Variants in PTPRD observed in about 807,000 individuals in gnomAD.
PTPRD encodes the protein receptor-type tyrosine-protein phosphatase delta.
Under a neutral mutation model 214.5 loss-of-function variants are expected in PTPRD, and 34 were observed. That is an observed-to-expected ratio of 0.16 (90% CI 0.12 to 0.21). The LOEUF (loss-of-function observed/expected upper bound fraction) is 0.21, where lower values mean the gene tolerates loss of function less well. Ranked by LOEUF, PTPRD falls within the 10% of genes least tolerant of loss-of-function variation. The pLI is 1.00. For missense variants in PTPRD, 2,545 were observed against 2,398.7 expected (o/e 1.06, Z -1.27); for synonymous variants, 1,128 against 845.7 (o/e 1.33, Z -5.79).
intron 2 of PTPRD, among the ~76,000 whole-genome samples, chr9:10,397,503 T>G (rs1234059693): frequency 6.6e-6 from 1 of 152,016 alleles, no homozygotes; most frequent in Non-Finnish European, 1.5e-5. Context: ...TAATCATAAT[T>G]GACACAGTTT....
chr9:8,373,850 GTA>G lies in PTPRD; in HGVS notation c.4661+2084_4661+2085del, dbSNP rs1491341790. 6.3e-3 allele frequency among the ~76,000 whole-genome samples: 851 copies of G among 134,568 alleles called. 16 individuals are homozygous for G. Among genetic ancestry groups the G allele is most frequent in the Admixed American group, 0.016 (217 of 13,438 alleles). The allele number at this position is 134,568 out of a possible 152,430, so 88.3% of individuals were successfully genotyped here. A position where few individuals can be genotyped will look rare whatever the true frequency, so the allele number is the denominator to read the frequency against. ...TATGTATGTATGTATGTATGTATGT[GTA>G]TGTGTCTGTCTGTCTATCTATCTAT... is the stretch of plus-strand genomic sequence containing the variant. On this transcript the variant is annotated intron_variant, in intron 39 of 45. Transcript: ENST00000381196.
intron 2 of PTPRD, among the ~76,000 whole-genome samples, chr9:10,414,193 T>A (rs1034765961): frequency 4.6e-5 from 7 of 151,950 alleles, no homozygotes; most frequent in Admixed American, 6.6e-5. Flanking sequence ...AAAAAATATT[T>A]GCAAACTACG....
At chr9:9,134,812 T>TGC (rs1315358850) in intron 10 of PTPRD, among the ~76,000 whole-genome samples, 3 of 152,110 alleles carry the variant, frequency 2.0e-5, no homozygotes, top group African/African-American at 7.2e-5. Flanking sequence ...AGTGCGTGTG[T>TGC]GTGTGTGTGT....
At chr9:9,232,131 T>C (rs1386459803) in intron 9 of PTPRD, among the ~76,000 whole-genome samples, 1 of 152,198 alleles carries the variant, frequency 6.6e-6, no homozygotes, top group Non-Finnish European at 1.5e-5. Flanking sequence ...TAAGTTGAGA[T>C]CCTTTAGTAT....
At chr9:8,690,951 T>G (rs893318912) in intron 12 of PTPRD, among the ~76,000 whole-genome samples, 1 of 152,188 alleles carries the variant, frequency 6.6e-6, no homozygotes, top group Non-Finnish European at 1.5e-5. Flanking sequence ...CTGGGGCATT[T>G]CTGTCTTTTC....
chr9:10,063,410 T>G (rs2097815150), intron 3 of PTPRD, among the ~76,000 whole-genome samples: 1 of 151,964 alleles, frequency 6.6e-6, no homozygotes, highest in African/African-American at 2.4e-5. Flanking sequence ...TAAAAAAGAG[T>G]AATAACATAT....
At chr9:8,956,670 A>G (rs1335011081) in intron 11 of PTPRD, among the ~76,000 whole-genome samples, 1 of 151,946 alleles carries the variant, frequency 6.6e-6, no homozygotes, top group South Asian at 2.1e-4. Context: ...GCAGTTATCA[A>G]GCTCCTGAAC....
intron 9 of PTPRD, among the ~76,000 whole-genome samples, chr9:9,365,034 G>A (rs1450370561): frequency 6.6e-6 from 1 of 151,440 alleles, no homozygotes; most frequent in Non-Finnish European, 1.5e-5. Flanking sequence ...GAGAGTCAAG[G>A]ATGACTCCCA....
intron 3 of PTPRD, among the ~76,000 whole-genome samples, chr9:10,288,598 G>A (rs2095434492): frequency 6.6e-6 from 1 of 152,148 alleles, no homozygotes; most frequent in Admixed American, 6.5e-5. Flanking sequence ...CTAGAGGCCA[G>A]GAAAGAACAG....
intron 9 of PTPRD, among the ~76,000 whole-genome samples, chr9:9,186,624 GTCTCTCCC>G (rs2099931697): frequency 1.2e-5 from 1 of 83,558 alleles, no homozygotes; most frequent in Non-Finnish European, 2.4e-5. Context: ...CTCTCTCTCT[GTCTCTCCC>G]TCTCTCTCTC....
chr9:10,341,689 G>A (rs1362766656), intron 2 of PTPRD, among the ~76,000 whole-genome samples: 1 of 151,754 alleles, frequency 6.6e-6, no homozygotes, highest in African/African-American at 2.4e-5. Context: ...TATAGTTCTG[G>A]GCTATTTACA....
intron 7 of PTPRD, among the ~76,000 whole-genome samples, chr9:9,598,637 C>A (rs566618696): frequency 6.6e-6 from 1 of 151,952 alleles, no homozygotes; most frequent in Admixed American, 6.6e-5. Context: ...AGAAGTCTTA[C>A]AATTTTTTTG....
intron 12 of PTPRD, among the ~76,000 whole-genome samples, chr9:8,683,468 C>G (rs1341703214): frequency 6.6e-6 from 1 of 151,858 alleles, no homozygotes; most frequent in Non-Finnish European, 1.5e-5. Flanking sequence ...GCAAACAGTT[C>G]ACTTTTTTCA....
intron 7 of PTPRD, among the ~76,000 whole-genome samples, chr9:9,604,843 G>A (rs755051796): frequency 6.7e-5 from 10 of 149,848 alleles, no homozygotes; most frequent in Non-Finnish European, 1.3e-4. Flanking sequence ...ACATAGCCTA[G>A]AATATCAAAA....
chr9:8,749,571 T>C (rs1354091826), intron 11 of PTPRD, among the ~76,000 whole-genome samples: 1 of 152,226 alleles, frequency 6.6e-6, no homozygotes, highest in Non-Finnish European at 1.5e-5. Context: ...CCAATCTCTA[T>C]GTGACAGCTG....
At chr9:9,069,186 G>C (rs1003995793) in intron 10 of PTPRD, among the ~76,000 whole-genome samples, 2 of 152,140 alleles carry the variant, frequency 1.3e-5, no homozygotes, top group Non-Finnish European at 2.9e-5. Context: ...CTAATTTAGT[G>C]ACATATTAAG....
chr9:8,793,733 C>T (rs550097582), intron 11 of PTPRD, among the ~76,000 whole-genome samples: 10 of 151,844 alleles, frequency 6.6e-5, no homozygotes, highest in South Asian at 2.1e-4. Context: ...ACAACATTTG[C>T]GCATGTAATT....
intron 11 of PTPRD, among the ~76,000 whole-genome samples, chr9:8,837,057 G>A (rs1468792009): frequency 2.6e-4 from 33 of 126,944 alleles, no homozygotes; most frequent in African/African-American, 9.2e-4. Context: ...ATGGAGTCTC[G>A]CTGTGTCACC....
Position 10,566,410 on chromosome 9 carries a change from CT to C in PTPRD, c.-600+45987del, listed in dbSNP as rs531708927. Reference sequence around the variant, plus strand: ...TGAAAATTCCCAATTGTTTTACAGTCTTAGTAATATTTAGTATTGTTAGACT... The same window carrying C: ...TGAAAATTCCCAATTGTTTTACAGTCTAGTAATATTTAGTATTGTTAGACT... On this transcript the variant is annotated intron_variant, in intron 2 of 45. Transcript: ENST00000381196. Among the ~76,000 whole-genome samples the C allele has an allele frequency of 1.3e-4, 20 of 151,960 alleles. No individual in the cohort carries two copies. In the East Asian group the frequency reaches 3.5e-3, roughly 27 times the overall value.
Sources: allele counts gnomAD v4.1 joint callset (sites outside exome capture counted in the v4.1 genomes callset), GRCh38; gene constraint gnomAD v4.1.1; transcripts MANE v1.5; gene names NCBI Gene and HGNC (gene_info 2026-07-23, HGNC 2026-07-21).